The following BFAR variants were observed in gnomAD, a reference collection of about 807,000 sequenced individuals.
The protein encoded by BFAR is RING finger protein 47.
In BFAR, 52 loss-of-function variants were observed where a neutral mutation model predicts 54.4. The ratio of observed to expected loss-of-function variants is 0.96; its 90% confidence interval spans 0.77 to 1.21. The LOEUF (loss-of-function observed/expected upper bound fraction) is 1.21, where lower values mean the gene tolerates loss of function less well. Among genes scored for constraint, BFAR ranks in the 50% most tolerant of loss-of-function variants. The pLI, the probability that BFAR is intolerant of heterozygous loss-of-function variation, is 0.00. For synonymous variants in BFAR, 215 were observed against 204.3 expected (o/e 1.05, Z -0.45); for missense variants, 571 against 534.0 (o/e 1.07, Z -0.68).
intron 1 of BFAR, among the ~76,000 whole-genome samples, chr16:14,636,803 G>A (rs1959459291): frequency 6.6e-6 from 1 of 152,240 alleles, no homozygotes; most frequent in Non-Finnish European, 1.5e-5. Context: ...AGAGGTCCCT[G>A]CGGGCTTCCG....
At chr16:14,661,437 T>A (rs1960285263) in intron 5 of BFAR, among the ~76,000 whole-genome samples, 1 of 137,866 alleles carries the variant, frequency 7.3e-6, no homozygotes, top group Non-Finnish European at 1.5e-5. Context: ...AATCTCACTG[T>A]ATTGCATAGG....
In BFAR at chr16:14,644,511, T is replaced by A; in HGVS notation, c.165T>A (p.Arg55=). ...TGAACTGTGGGCACAGCTTCTGCCG[T>A]CACTGCCTTGCTTTATGGTGGGCAT... ...TTLNCGHSFC[R]HCLALWWASS... Residue 55 remains arginine, a synonymous_variant, in exon 2 of 8, where the codon CGT becomes CGA. Transcript: ENST00000261658. 2 of 1,614,156 alleles carry A rather than the reference T, an allele frequency of 1.2e-6. No homozygotes were observed. Among genetic ancestry groups the A allele is most frequent in the Non-Finnish European group, 1.7e-6 (2 of 1,180,014 alleles).
chr16:14,641,135 T>C (rs1959612111), intron 1 of BFAR, among the ~76,000 whole-genome samples: 1 of 152,244 alleles, frequency 6.6e-6, no homozygotes, highest in Non-Finnish European at 1.5e-5. Context: ...CCCTTTTGGC[T>C]AAGATCAACT....
chr16:14,637,707 T>A (rs1389282314), intron 1 of BFAR, among the ~76,000 whole-genome samples: 1 of 151,886 alleles, frequency 6.6e-6, no homozygotes, highest in African/African-American at 2.4e-5. Flanking sequence ...CGCCTGCTTG[T>A]AATCCCAGCT....
At chr16:14,663,336 A>ATT (rs879825451) in intron 6 of BFAR, among the ~76,000 whole-genome samples, 1 of 143,326 alleles carries the variant, frequency 7.0e-6, no homozygotes. Context: ...CATCAGGCTA[A>ATT]TTTTTTTTTT....
Position 14,667,573 on chromosome 16 carries a change from C to T in BFAR, c.1161-62C>T, listed in dbSNP as rs780812860. 193 of 1,486,858 alleles carry T rather than the reference C, an allele frequency of 1.3e-4. 1 individual carries two copies. The highest frequency in any genetic ancestry group is 2.8e-5 in the African/African-American group (2 of 71,296). 92.1% of individuals were successfully genotyped at this position (1,486,858 alleles called of 1,614,324 possible). A position where few individuals can be genotyped will look rare whatever the true frequency, so the allele number is the denominator to read the frequency against. Reference sequence around the variant, plus strand: ...CAGCACCCAGAAAAGGCCCAGGGCCCGGACTCCTGGGTGTGGTCATGAGAA... The same window carrying T: ...CAGCACCCAGAAAAGGCCCAGGGCCTGGACTCCTGGGTGTGGTCATGAGAA... On this transcript the variant is annotated intron_variant, in intron 7 of 7. Coordinates refer to ENST00000261658, the MANE Select transcript of BFAR (RefSeq NM_016561.3).
In BFAR at chr16:14,667,930, G is replaced by A; in HGVS notation, c.*103G>A. On this transcript the variant is annotated 3_prime_UTR_variant, in exon 8 of 8. Transcript: ENST00000261658. ...GCGGACTTCCTATTTTCTACCCTCA[G>A]TAAAACAAGGTGCTGCTTTGTATAT... 3.3e-6 allele frequency: 4 copies of A among 1,206,846 alleles called. No individual in the cohort carries two copies. Among genetic ancestry groups the A allele is most frequent in the Non-Finnish European group, 3.5e-6 (3 of 846,518 alleles). 74.8% of individuals were successfully genotyped at this position (1,206,846 alleles called of 1,614,324 possible).
At chr16:14,641,196 G>A in intron 1 of BFAR, among the ~76,000 whole-genome samples, 1 of 152,174 alleles carries the variant, frequency 6.6e-6, no homozygotes. Context: ...GTATCCATAT[G>A]AATGGAGCAC....
chr16:14,657,897 A>AT (rs869240446), intron 5 of BFAR, among the ~76,000 whole-genome samples: 3 of 151,688 alleles, frequency 2.0e-5, no homozygotes, highest in African/African-American at 7.3e-5. Context: ...TTAAAAAAAA[A>AT]TTTTTTTTTG....
chr16:14,665,139 CT>C (rs1361849573), intron 7 of BFAR, 68 bp downstream of exon 7: 1 of 1,405,640 alleles, frequency 7.1e-7, no homozygotes, highest in Non-Finnish European at 9.9e-7. Context: ...GAAAGATCCT[CT>C]TTTATTTCTC....
At chr16:14,656,443 T>C (rs947217492) in intron 5 of BFAR, among the ~76,000 whole-genome samples, 6 of 151,152 alleles carry the variant, frequency 4.0e-5, no homozygotes, top group African/African-American at 9.7e-5. Flanking sequence ...TAAACCATGA[T>C]CGAACCACTG....
intron 1 of BFAR, chr16:14,633,520 T>G (rs933300261): frequency 6.6e-6 from 1 of 152,252 alleles, no homozygotes; most frequent in African/African-American, 2.4e-5. Context: ...ATTGTGCCCA[T>G]TCTTTAAAGT....
intron 6 of BFAR, 152 bp from the exon 7 acceptor site, chr16:14,664,717 C>G: frequency 1.4e-6 from 1 of 728,944 alleles, no homozygotes. Flanking sequence ...CCAGCCTGGT[C>G]TTGAACTCCT....
rs1356506494 is a variant in BFAR at position 14,661,883 on chromosome 16, C to T, written c.784-9C>T. 1 of 1,613,814 alleles carries T rather than the reference C, an allele frequency of 6.2e-7. No individual in the cohort carries two copies. Among genetic ancestry groups the T allele is most frequent in the Non-Finnish European group, 8.5e-7 (1 of 1,179,944 alleles). ...TTGTAATGTGGCCCTGTACTCTTCT[C>T]CTCTGCAGGCTGTGAACCCAGGCAG... On this transcript the variant is annotated splice_polypyrimidine_tract_variant and intron_variant, in intron 5 of 7. Transcript: ENST00000261658.
chr16:14,663,391 G>T (rs1367179279), intron 6 of BFAR, among the ~76,000 whole-genome samples: 1 of 151,976 alleles, frequency 6.6e-6, no homozygotes, highest in Non-Finnish European at 1.5e-5. Flanking sequence ...GAGTGCAGTG[G>T]CGCAATCTTG....
chr16:14,659,968 G>C (rs1960244706), intron 5 of BFAR, among the ~76,000 whole-genome samples: 1 of 152,212 alleles, frequency 6.6e-6, no homozygotes. Flanking sequence ...TGTTTTAACA[G>C]TTTTTATTGA....
chr16:14,649,232 C>T (rs1462369113), intron 3 of BFAR, among the ~76,000 whole-genome samples: 3 of 151,992 alleles, frequency 2.0e-5, no homozygotes, highest in Non-Finnish European at 4.4e-5. Context: ...TGCGCCACTA[C>T]AAGAGGCTAA....
At chr16:14,652,890 A>T (rs1000842359) in intron 4 of BFAR, among the ~76,000 whole-genome samples, 1 of 152,054 alleles carries the variant, frequency 6.6e-6, no homozygotes, top group South Asian at 2.1e-4. Context: ...TCAGACACCC[A>T]CTTCACCCAC....
intron 2 of BFAR, among the ~76,000 whole-genome samples, chr16:14,644,908 A>C (rs1359553754): frequency 6.6e-6 from 1 of 152,170 alleles, no homozygotes; most frequent in Non-Finnish European, 1.5e-5. Context: ...CAGGGAGCTC[A>C]AGGAACTGGA....
Sources: allele counts gnomAD v4.1 joint callset (sites outside exome capture counted in the v4.1 genomes callset), GRCh38; gene constraint gnomAD v4.1.1; transcripts MANE v1.5; gene names NCBI Gene and HGNC (gene_info 2026-07-23, HGNC 2026-07-21).